Variants in METTL15 observed in about 807,000 individuals in gnomAD.
METTL15 encodes the protein 12S rRNA N(4)-cytidine methyltransferase METTL15.
A neutral mutation model predicts 38.3 loss-of-function variants in METTL15; 34 were observed. The observed-to-expected ratio is 0.89, with a 90% CI of 0.68 to 1.18. The LOEUF is 1.18. Among genes scored for constraint, METTL15 ranks in the 50% most tolerant of loss-of-function variants. The probability of loss-of-function intolerance (pLI) is 0.00; values close to 1 mark genes in which losing one functional copy is unlikely to be tolerated. For synonymous variants in METTL15, 162 were observed against 170.9 expected (o/e 0.95, Z 0.41); for missense variants, 438 against 498.4 (o/e 0.88, Z 1.15).
chr11:28,281,418 C>CA lies in METTL15; in HGVS notation c.408-8785dup, dbSNP rs1456659058. On this transcript the variant is annotated intron_variant, in intron 4 of 6. Coordinates refer to ENST00000407364, the MANE Select transcript of METTL15 (RefSeq NM_001113528.2). The stretch of plus-strand genomic sequence containing the variant: ...TTCTTCAGCTCTCAGCATCCGCTTG[C>CA]AAATAAGTAGGCCATTAGTGGAATA... 3.3e-5 allele frequency among the ~76,000 whole-genome samples: 5 copies of CA among 152,278 alleles called. No individual in the cohort carries two copies. The East Asian group carries it at 9.6e-4, about 29-fold the overall frequency.
chr11:28,370,235 C>A (rs1850228896), intron 5 of METTL15, among the ~76,000 whole-genome samples: 1 of 151,922 alleles, frequency 6.6e-6, no homozygotes, highest in African/African-American at 2.4e-5. Flanking sequence ...CCTTTCTTGG[C>A]CTTTTGTAAC....
At chr11:28,408,236 G>A (rs1800376363) in intron 5 of METTL15, among the ~76,000 whole-genome samples, 1 of 152,118 alleles carries the variant, frequency 6.6e-6, no homozygotes. Flanking sequence ...TGAGTTGATA[G>A]GCGCAGCACA....
intron 4 of METTL15, among the ~76,000 whole-genome samples, chr11:28,273,595 G>A (rs1352496854): frequency 2.6e-5 from 4 of 151,920 alleles, no homozygotes; most frequent in Non-Finnish European, 1.5e-5. Context: ...TATATATTGA[G>A]TGGCTGAAAA....
chr11:28,354,725 A>G (rs1850075388), intron 4 of METTL15, among the ~76,000 whole-genome samples: 1 of 152,180 alleles, frequency 6.6e-6, no homozygotes, highest in Non-Finnish European at 1.5e-5. Flanking sequence ...CTTAAGGGAA[A>G]TCGGTGAGTG....
chr11:28,360,335 A>G (rs1348004196), intron 4 of METTL15, among the ~76,000 whole-genome samples: 2 of 152,218 alleles, frequency 1.3e-5, no homozygotes, highest in African/African-American at 4.8e-5. Flanking sequence ...CAATTGGAAC[A>G]GGTTTAAAAA....
At chr11:28,469,618 G>T (rs1039905183) in intron 6 of METTL15, among the ~76,000 whole-genome samples, 2 of 152,030 alleles carry the variant, frequency 1.3e-5, no homozygotes, top group Non-Finnish European at 2.9e-5. Context: ...GTAAAATGGG[G>T]TAATAATGAT....
intron 3 of METTL15, among the ~76,000 whole-genome samples, chr11:28,160,076 G>C (rs1850403263): frequency 6.6e-6 from 1 of 152,054 alleles, no homozygotes; most frequent in South Asian, 2.1e-4. Context: ...TAAAAGAGCA[G>C]GCAGAAAAAT....
At chr11:28,454,157 A>C (rs114774905) in intron 6 of METTL15, among the ~76,000 whole-genome samples, 1 of 152,212 alleles carries the variant, frequency 6.6e-6, no homozygotes, top group Non-Finnish European at 1.5e-5. Context: ...GGGACCCCTG[A>C]TCAGTTAGCC....
chr11:28,450,400 A>G (rs1851110149), intron 6 of METTL15, among the ~76,000 whole-genome samples: 1 of 152,254 alleles, frequency 6.6e-6, no homozygotes, highest in Non-Finnish European at 1.5e-5. Flanking sequence ...GGAAATACAA[A>G]ATAAATTTTC....
chr11:28,485,747 G>C (rs758084386), intron 6 of METTL15, among the ~76,000 whole-genome samples: 3 of 152,122 alleles, frequency 2.0e-5, no homozygotes, highest in Admixed American at 6.5e-5. Flanking sequence ...AACAAAATAC[G>C]TACTGGGTGG....
chr11:28,341,500 G>T (rs1849952260), intron 3 of METTL15, among the ~76,000 whole-genome samples: 1 of 151,954 alleles, frequency 6.6e-6, no homozygotes, highest in African/African-American at 2.4e-5. Context: ...TCTAGTTTCA[G>T]TATTATTTTG....
chr11:28,149,835 A>G (rs1174892735), intron 3 of METTL15, among the ~76,000 whole-genome samples: 1 of 152,026 alleles, frequency 6.6e-6, no homozygotes, highest in Non-Finnish European at 1.5e-5. Flanking sequence ...TATTTAAAAT[A>G]TATTTGCATT....
intron 6 of METTL15, among the ~76,000 whole-genome samples, chr11:28,492,529 C>CACAG (rs1459230839): frequency 6.6e-6 from 1 of 151,492 alleles, no homozygotes; most frequent in Non-Finnish European, 1.5e-5. Context: ...GCCACACACA[C>CACAG]ACACACACAC....
chr11:28,417,129 A>AT (rs1196851996), intron 5 of METTL15, among the ~76,000 whole-genome samples: 10 of 152,036 alleles, frequency 6.6e-5, no homozygotes, highest in Non-Finnish European at 1.3e-4. Context: ...CACTTTCTTG[A>AT]TTTTTTATAT....
In METTL15 at chr11:28,172,588, C is replaced by T. The variant is rs141889387; in HGVS notation, c.271-38474C>T. Among the ~76,000 whole-genome samples the T allele has an allele frequency of 2.0e-4, 31 of 152,252 alleles. No homozygotes were observed. In the East Asian group the frequency reaches 5.8e-3, roughly 28 times the overall value. On this transcript the variant is annotated intron_variant, in intron 3 of 6. Transcript: ENST00000407364. The stretch of plus-strand genomic sequence containing the variant: ...TTTTAGCACTCTACTAACTGCCTTA[C>T]ATTCTGTTTTACATTGTGTCCTCAC...
At chr11:28,145,523 C>G (rs1014664711) in intron 3 of METTL15, 27 of 152,028 alleles carry the variant, frequency 1.8e-4, no homozygotes, top group African/African-American at 6.3e-4. Flanking sequence ...GATGTTAGAA[C>G]TGGCTTTGGC....
At chr11:28,428,641 C>G (rs1180048494) in intron 6 of METTL15, among the ~76,000 whole-genome samples, 1 of 152,196 alleles carries the variant, frequency 6.6e-6, no homozygotes, top group African/African-American at 2.4e-5. Context: ...AAGCTGGCTA[C>G]TAACACTAAC....
intron 5 of METTL15, among the ~76,000 whole-genome samples, chr11:28,380,399 A>C (rs1850369652): frequency 6.6e-6 from 1 of 152,152 alleles, no homozygotes; most frequent in East Asian, 1.9e-4. Flanking sequence ...CGATCTCCTG[A>C]CCTCGTGATC....
chr11:28,198,747 A>T (rs950617396), intron 3 of METTL15, among the ~76,000 whole-genome samples: 1 of 152,134 alleles, frequency 6.6e-6, no homozygotes, highest in Non-Finnish European at 1.5e-5. Flanking sequence ...AAAAAATGTT[A>T]GCTAACTATA....
Sources: gnomAD v4.1 joint callset for allele counts (sites outside exome capture counted in the v4.1 genomes callset) on GRCh38, gnomAD v4.1.1 for gene constraint, MANE v1.5 for transcripts, NCBI Gene and HGNC (gene_info 2026-07-23, HGNC 2026-07-21) for gene names.